Variants in ZBTB49 observed in about 807,000 individuals in gnomAD.
The protein encoded by ZBTB49 is zinc finger and BTB domain-containing protein 49.
Under a neutral mutation model 57.5 loss-of-function variants are expected in ZBTB49, and 43 were observed. That is an observed-to-expected ratio of 0.75 (90% confidence interval 0.59 to 0.97). The LOEUF is 0.97. Ranked by LOEUF, ZBTB49 falls within the 50% of genes least tolerant of loss-of-function variation. ZBTB49 has a pLI of 0.00. For synonymous variants in ZBTB49, 369 were observed against 362.1 expected (o/e 1.02, Z -0.22); for missense variants, 938 against 947.7 (o/e 0.99, Z 0.13).
intron 1 of ZBTB49, among the ~76,000 whole-genome samples, chr4:4,297,637 T>A (rs75420464): frequency 8.7e-4 from 132 of 152,148 alleles, no homozygotes; most frequent in African/African-American, 3.0e-3. Flanking sequence ...ATTTTTTAAA[T>A]TAGCCAGGTA....
chr4:4,316,638 T>C (rs1431100927), intron 7 of ZBTB49, among the ~76,000 whole-genome samples: 1 of 152,202 alleles, frequency 6.6e-6, no homozygotes, highest in East Asian at 1.9e-4. Flanking sequence ...ATGAACTGTT[T>C]AGACCAAATA....
chr4:4,311,517 A>T (rs1252277478), intron 4 of ZBTB49, among the ~76,000 whole-genome samples: 1 of 152,200 alleles, frequency 6.6e-6, no homozygotes, highest in Non-Finnish European at 1.5e-5. Flanking sequence ...GTGTTTCCTC[A>T]AGGTTTCCCC....
chr4:4,301,865 A>T, intron 2 of ZBTB49, 124 bp from the exon 3 acceptor site: 2 of 992,086 alleles, frequency 2.0e-6, no homozygotes, highest in Non-Finnish European at 2.7e-6. Context: ...AAATGTACTT[A>T]TGTTAAAAGT....
intron 4 of ZBTB49, among the ~76,000 whole-genome samples, chr4:4,307,340 G>A (rs572274314): frequency 1.3e-5 from 2 of 152,132 alleles, no homozygotes; most frequent in African/African-American, 4.8e-5. Flanking sequence ...ATGAGCCTCC[G>A]CTTCTTCCTG....
chr4:4,315,892 T>C lies in ZBTB49; in HGVS notation c.1543T>C (p.Ser515Pro). Residue 515 changes from serine (S) to proline (P), a missense_variant, in exon 7 of 8, where the codon TCT (serine) becomes CCT (proline). This residue lies in a region of ZBTB49 where 835 missense variants were observed against 819.1 expected (regional missense o/e 1.02). Coordinates refer to ENST00000337872, the MANE Select transcript of ZBTB49 (RefSeq NM_145291.4). ...CTTCACCTGTGATGAGTGTGGAAAGTCTTTTAATATGCAAAGGAAGTTAGT... is the reference window on the plus strand; with the variant it reads ...CTTCACCTGTGATGAGTGTGGAAAGCCTTTTAATATGCAAAGGAAGTTAGT... ...KVFTCDECGK[S>P]FNMQRKLVKH... The C allele has an allele frequency of 6.2e-7, 1 of 1,614,196 alleles. No homozygotes were observed. The highest frequency in any genetic ancestry group is 8.5e-7 in the Non-Finnish European group (1 of 1,180,028).
At chr4:4,303,142 T>C (rs1720579277) in intron 3 of ZBTB49, 51 bp downstream of exon 3, 3 of 1,496,156 alleles carry the variant, frequency 2.0e-6, no homozygotes, top group African/African-American at 1.4e-5. Flanking sequence ...ATGCGGATGC[T>C]CAGACACCAC....
In ZBTB49 at chr4:4,320,865, C is replaced by T. The variant is rs572929129; in HGVS notation, c.1847C>T (p.Ser616Phe). Residue 616 changes from serine to phenylalanine, a missense_variant, in exon 8 of 8, where the codon TCT (serine) becomes TTT (phenylalanine). Ser to Phe is a radical substitution (Grantham distance 155, BLOSUM62 -2). Coordinates refer to ENST00000337872, the MANE Select transcript of ZBTB49 (RefSeq NM_145291.4). ...SDLEKSQSSD[S>F]FSQDTSVTLM... ...CTCGAGAAATCTCAGAGCTCAGACTCTTTCTCCCAAGACACGTCTGTGACG... is the reference window on the plus strand; with the variant it reads ...CTCGAGAAATCTCAGAGCTCAGACTTTTTCTCCCAAGACACGTCTGTGACG... 3 of 1,614,250 alleles carry T rather than the reference C, an allele frequency of 1.9e-6. No homozygotes were observed. The highest frequency in any genetic ancestry group is 2.2e-5 in the East Asian group (1 of 44,888).
At chr4:4,318,429 G>A (rs1259455835) in intron 7 of ZBTB49, among the ~76,000 whole-genome samples, 1 of 152,010 alleles carries the variant, frequency 6.6e-6, no homozygotes, top group African/African-American at 2.4e-5. Context: ...CAGCCTGGCC[G>A]ACATGGCGAA....
chr4:4,316,030 C>T (rs1003237305), intron 7 of ZBTB49, 60 bp downstream of exon 7: 1 of 1,589,840 alleles, frequency 6.3e-7, no homozygotes, highest in Non-Finnish European at 8.6e-7. Flanking sequence ...CTTTGTCCCC[C>T]AGCCCTCATT....
intron 4 of ZBTB49, among the ~76,000 whole-genome samples, chr4:4,307,740 G>A (rs936667172): frequency 6.6e-6 from 1 of 151,910 alleles, no homozygotes; most frequent in African/African-American, 2.4e-5. Flanking sequence ...CATGAGACTC[G>A]GACTAATGAC....
rs575746250 is a variant in ZBTB49 at position 4,290,258 on chromosome 4, T to G, written c.-114T>G. 1.3e-5 allele frequency: 2 copies of G among 152,250 alleles called. No individual in the cohort carries two copies. The highest frequency in any genetic ancestry group is 4.1e-4 in the South Asian group (2 of 4,836). The allele number at this position is 152,250 out of a possible 1,614,324, so 9.4% of individuals were successfully genotyped here. ...CCGGCAAGCCAAGGGGGCGTTGTCG[T>G]GATGATTCCGCGGCCAGCGGATCGC... On this transcript the variant is annotated 5_prime_UTR_variant, in exon 1 of 8. Transcript: ENST00000337872.
intron 7 of ZBTB49, among the ~76,000 whole-genome samples, chr4:4,319,587 G>C (rs972687207): frequency 1.8e-4 from 28 of 152,266 alleles, no homozygotes; most frequent in Admixed American, 1.4e-3. Context: ...TTGGGAGGCT[G>C]AGATGAGCTG....
chr4:4,318,007 G>C (rs1173592106), intron 7 of ZBTB49, among the ~76,000 whole-genome samples: 1 of 152,170 alleles, frequency 6.6e-6, no homozygotes, highest in Non-Finnish European at 1.5e-5. Flanking sequence ...CTGTACAGTG[G>C]GTGGCAGCCC....
At chr4:4,306,518 G>T (rs951484397) in intron 4 of ZBTB49, among the ~76,000 whole-genome samples, 1 of 152,200 alleles carries the variant, frequency 6.6e-6, no homozygotes, top group African/African-American at 2.4e-5. Flanking sequence ...ATTGTGCTGG[G>T]TTAGGCTGAA....
At chr4:4,303,752 C>CTGTG (rs1383765946) in intron 3 of ZBTB49, among the ~76,000 whole-genome samples, 2 of 77,600 alleles carry the variant, frequency 2.6e-5, no homozygotes, top group African/African-American at 4.9e-5. Flanking sequence ...CTCTCTCTCT[C>CTGTG]TCTCTCTCTG....
chr4:4,291,887 T>C (rs1321910656), intron 1 of ZBTB49, among the ~76,000 whole-genome samples: 1 of 152,194 alleles, frequency 6.6e-6, no homozygotes, highest in Non-Finnish European at 1.5e-5. Context: ...TCCCAGCGCT[T>C]TGGGAGGCCG....
At chr4:4,315,172 G>T (rs907232071) in intron 5 of ZBTB49, among the ~76,000 whole-genome samples, 6 of 152,204 alleles carry the variant, frequency 3.9e-5, no homozygotes, top group African/African-American at 1.4e-4. Context: ...GACCAGGGCA[G>T]AACTCACTCT....
intron 5 of ZBTB49, 82 bp downstream of exon 5, chr4:4,313,196 GTGGCTCACAGATGAGCCACAGGT>G: frequency 6.5e-7 from 1 of 1,534,916 alleles, no homozygotes; most frequent in South Asian, 1.2e-5. Flanking sequence ...TTCTGAAGTG[GTGGCTCACAGATGAGCCACAGGT>G]GGGCTCACCC....
At chr4:4,304,537 T>C (rs902478768) in intron 3 of ZBTB49, among the ~76,000 whole-genome samples, 15 of 27,850 alleles carry the variant, frequency 5.4e-4, no homozygotes, top group African/African-American at 2.7e-3. Context: ...TAATTTTTTA[T>C]TGTGAAACTT....
Sources: gnomAD v4.1 joint callset for allele counts (sites outside exome capture counted in the v4.1 genomes callset) on GRCh38, gnomAD v4.1.1 for gene constraint, gnomAD v4.1.1 regional missense constraint, MANE v1.5 for transcripts, NCBI Gene and HGNC (gene_info 2026-07-23, HGNC 2026-07-21) for gene names.